RASA1: variants seen among roughly 807,000 people sequenced by gnomAD.
RASA1 encodes the protein ras GTPase-activating protein 1.
RASA1 carries 25 observed loss-of-function variants against 132.2 expected under a neutral mutation model. That is an observed-to-expected ratio of 0.19 (90% CI 0.14 to 0.26). RASA1 has a LOEUF of 0.26. Among genes scored for constraint, RASA1 ranks in the 10% least tolerant of loss-of-function variants. The pLI, the probability that RASA1 is intolerant of heterozygous loss-of-function variation, is 1.00. For missense variants in RASA1, 964 were observed against 1,299.2 expected (o/e 0.74, Z 3.97); for synonymous variants, 477 against 449.9 (o/e 1.06, Z -0.76).
chr5:87,388,787 C>T (rs1379606833), intron 23 of RASA1, among the ~76,000 whole-genome samples: 2 of 152,148 alleles, frequency 1.3e-5, no homozygotes, highest in African/African-American at 4.8e-5. Context: ...AGACAAACTA[C>T]AGGAGCTTAA....
In RASA1 at chr5:87,341,294, G is replaced by A. The variant is rs759265277; in HGVS notation, c.1022G>A (p.Arg341Gln). ...GTCTTAATGTCTTCCCTTTAGGGCC[G>A]GGAAGAAGATCCACATGAAGGAAAA... ...IVEDLVEEVGREEDPHEGKIW... is the reference protein window; with the variant it reads ...IVEDLVEEVGQEEDPHEGKIW... The change falls in exon 6 of 25, where the codon CGG becomes CAG. Residue 341 changes from arginine (R) to glutamine (Q), a missense_variant. Transcript: ENST00000274376. 9.7e-6 allele frequency: 13 copies of A among 1,342,820 alleles called. No homozygotes were observed. Among genetic ancestry groups the A allele is most frequent in the South Asian group, 6.6e-5 (3 of 45,372 alleles). 83.2% of individuals were successfully genotyped at this position (1,342,820 alleles called of 1,614,324 possible). A position where few individuals can be genotyped will look rare whatever the true frequency, so the allele number is the denominator to read the frequency against.
intron 3 of RASA1, among the ~76,000 whole-genome samples, chr5:87,333,055 CT>C (rs1472420157): frequency 2.0e-5 from 3 of 152,004 alleles, no homozygotes; most frequent in Non-Finnish European, 2.9e-5. Flanking sequence ...TAAAAGCATA[CT>C]GCTTATATTT....
chr5:87,346,617 TATG>T (rs1313567784), intron 6 of RASA1, 52 bp from the exon 7 acceptor site: 1 of 1,160,994 alleles, frequency 8.6e-7, no homozygotes, highest in South Asian at 1.3e-5. Context: ...ATTTTGATCA[TATG>T]ATAACAGCAA....
intron 1 of RASA1, among the ~76,000 whole-genome samples, chr5:87,270,251 A>G (rs1753766338): frequency 6.6e-6 from 1 of 151,756 alleles, no homozygotes; most frequent in Non-Finnish European, 1.5e-5. Flanking sequence ...CAAAAAAAAA[A>G]AAAAAAGAAT....
chr5:87,352,861 T>C (rs973080380), intron 8 of RASA1, among the ~76,000 whole-genome samples: 1 of 151,998 alleles, frequency 6.6e-6, no homozygotes, highest in African/African-American at 2.4e-5. Context: ...TTTTAATCAT[T>C]TCCTCATTTA....
At chr5:87,276,945 A>G (rs1166516059) in intron 1 of RASA1, among the ~76,000 whole-genome samples, 1 of 152,164 alleles carries the variant, frequency 6.6e-6, no homozygotes, top group Non-Finnish European at 1.5e-5. Flanking sequence ...TAGAACTGGG[A>G]CAGAATCCGA....
intron 1 of RASA1, among the ~76,000 whole-genome samples, chr5:87,314,858 C>T (rs1756202890): frequency 6.6e-6 from 1 of 152,118 alleles, no homozygotes; most frequent in Non-Finnish European, 1.5e-5. Context: ...GAATTATTTA[C>T]ATTGTTAAAT....
Position 87,386,833 on chromosome 5 carries a change from A to G in RASA1, c.2855A>G (p.Tyr952Cys). The G allele has an allele frequency of 6.2e-7, 1 of 1,612,728 alleles. No homozygotes were observed. The highest frequency in any genetic ancestry group is 8.5e-7 in the Non-Finnish European group (1 of 1,179,026). The change falls in exon 23 of 25, where the codon TAC becomes TGC. Residue 952 changes from tyrosine (Y) to cysteine (C), a missense_variant. Physicochemically the swap from Tyr to Cys is radical, Grantham distance 194. Around this residue, in one of 6 missense-constraint regions of RASA1, gnomAD observed 107 missense variants for 163.8 expected, o/e 0.65. Transcript: ENST00000274376. Reference sequence around the variant, plus strand: ...AAGCATTTTATTTTTCAGGAGCCCTACATGGAAGGTGTCAATCCATTCATC... The same window carrying G: ...AAGCATTTTATTTTTCAGGAGCCCTGCATGGAAGGTGTCAATCCATTCATC... ...NLVEFGAKEP[Y>C]MEGVNPFIKS...
At chr5:87,382,297 ACTTT>A (rs1471134252) in intron 20 of RASA1, among the ~76,000 whole-genome samples, 2 of 152,212 alleles carry the variant, frequency 1.3e-5, no homozygotes, top group African/African-American at 2.4e-5. Context: ...TAACATCTTT[ACTTT>A]CTAAGAGTCC....
intron 13 of RASA1, 48 bp downstream of exon 13, chr5:87,372,243 C>T: frequency 6.6e-7 from 1 of 1,524,756 alleles, no homozygotes; most frequent in South Asian, 1.1e-5. Context: ...TTTGCTCTAA[C>T]ACTTTGCTCT....
intron 24 of RASA1, among the ~76,000 whole-genome samples, chr5:87,390,477 A>G (rs1010765758): frequency 4.0e-5 from 6 of 151,312 alleles, no homozygotes; most frequent in Admixed American, 1.3e-4. Context: ...CTTGCCTTAG[A>G]TATTAAATAA....
At chr5:87,351,959 ATTTGGTGC>A (rs1453940816) in intron 8 of RASA1, among the ~76,000 whole-genome samples, 2 of 151,764 alleles carry the variant, frequency 1.3e-5, no homozygotes, top group African/African-American at 4.8e-5. Flanking sequence ...ATTTTCATAG[ATTTGGTGC>A]TTTTTGCTTT....
At chr5:87,390,425 G>A (rs906245551) in intron 24 of RASA1, among the ~76,000 whole-genome samples, 5 of 149,442 alleles carry the variant, frequency 3.3e-5, no homozygotes, top group African/African-American at 1.2e-4. Flanking sequence ...GTTTCTCCCC[G>A]CCCCTCCCCC....
intron 1 of RASA1, among the ~76,000 whole-genome samples, chr5:87,288,093 TATATATATACCATATATACACACACC>T (rs1561258114): frequency 1.3e-4 from 10 of 76,760 alleles, no homozygotes; most frequent in East Asian, 3.6e-4. Context: ...ACACACACCA[TATATATATACCATATATACACACACC>T]ATATATATAC....
chr5:87,359,995 T>C (rs1759951542), intron 9 of RASA1, among the ~76,000 whole-genome samples: 1 of 152,198 alleles, frequency 6.6e-6, no homozygotes, highest in Non-Finnish European at 1.5e-5. Context: ...CAGATACTTG[T>C]CTAATAAGTT....
Position 87,390,940 on chromosome 5 carries a change from T to A in RASA1, c.*57T>A. 1 of 1,506,720 alleles carries A rather than the reference T, an allele frequency of 6.6e-7. No individual in the cohort carries two copies. The highest frequency in any genetic ancestry group is 2.3e-5 in the East Asian group (1 of 44,058). The allele number at this position is 1,506,720 out of a possible 1,614,324, so 93.3% of individuals were successfully genotyped here. A position where few individuals can be genotyped will look rare whatever the true frequency, so the allele number is the denominator to read the frequency against. On this transcript the variant is annotated 3_prime_UTR_variant, in exon 25 of 25. Coordinates refer to ENST00000274376, the MANE Select transcript of RASA1 (RefSeq NM_002890.3). ...AGCATGTCCAACATGGTAATTCACT[T>A]CAGTTTAATGTCTCCTTTGCTCTTG...
chr5:87,276,728 A>G (rs1754076358), intron 1 of RASA1, among the ~76,000 whole-genome samples: 1 of 152,216 alleles, frequency 6.6e-6, no homozygotes, highest in African/African-American at 2.4e-5. Context: ...AAATTTCAGT[A>G]TCATTCATTT....
At chr5:87,330,766 G>A (rs1299709379) in intron 1 of RASA1, among the ~76,000 whole-genome samples, 1 of 152,176 alleles carries the variant, frequency 6.6e-6, no homozygotes, top group Non-Finnish European at 1.5e-5. Context: ...GGAAAGTTGA[G>A]TGCAAATGTA....
chr5:87,277,021 TAGAG>T (rs1343566669), intron 1 of RASA1, among the ~76,000 whole-genome samples: 12 of 152,188 alleles, frequency 7.9e-5, no homozygotes, highest in Non-Finnish European at 1.3e-4. Context: ...TTTTAAATTT[TAGAG>T]AGGACTAGAA....
Sources: gnomAD v4.1 joint callset for allele counts (sites outside exome capture counted in the v4.1 genomes callset) on GRCh38, gnomAD v4.1.1 for gene constraint, gnomAD v4.1.1 regional missense constraint, MANE v1.5 for transcripts, NCBI Gene and HGNC (gene_info 2026-07-23, HGNC 2026-07-21) for gene names.